TSHZ2: variants seen among roughly 807,000 people sequenced by gnomAD.
TSHZ2 encodes teashirt zinc finger homeobox 2.
TSHZ2 carries 21 observed loss-of-function variants against 74.4 expected under a neutral mutation model. That is an observed-to-expected ratio of 0.28 (90% CI 0.20 to 0.41). The LOEUF is 0.41. TSHZ2 is among the 10% of genes least tolerant of loss of function. TSHZ2 has a pLI of 1.00. For synonymous variants in TSHZ2, 540 were observed against 515.3 expected (o/e 1.05, Z -0.65); for missense variants, 1,244 against 1,293.5 (o/e 0.96, Z 0.59).
intron 2 of TSHZ2, among the ~76,000 whole-genome samples, chr20:53,397,000 TA>T (rs1342838273): frequency 6.6e-6 from 1 of 152,164 alleles, no homozygotes; most frequent in Admixed American, 6.5e-5. Flanking sequence ...ACTTAAATGT[TA>T]GACCTAAAAC....
In TSHZ2 at chr20:53,063,382, C is replaced by T. The variant is rs773133084; in HGVS notation, c.40+90049C>T. Reference sequence around the variant, plus strand: ...ACTTTGCCTATATATTACATATGCACATTTATATAGATATTATGCATTTAA... The same window carrying T: ...ACTTTGCCTATATATTACATATGCATATTTATATAGATATTATGCATTTAA... On this transcript the variant is annotated intron_variant, in intron 1 of 2. Coordinates refer to ENST00000371497, the MANE Select transcript of TSHZ2 (RefSeq NM_173485.6). 6.6e-5 allele frequency among the ~76,000 whole-genome samples: 10 copies of T among 152,182 alleles called. No individual in the cohort carries two copies. The East Asian group carries it at 1.9e-3, about 29-fold the overall frequency.
At chr20:53,452,101 T>C (rs2067468231) in intron 2 of TSHZ2, among the ~76,000 whole-genome samples, 1 of 152,202 alleles carries the variant, frequency 6.6e-6, no homozygotes, top group Admixed American at 6.5e-5. Context: ...TAACCCCAGA[T>C]GACTAATGAA....
chr20:53,117,037 G>T (rs1986689080), intron 1 of TSHZ2, among the ~76,000 whole-genome samples: 1 of 152,092 alleles, frequency 6.6e-6, no homozygotes, highest in Non-Finnish European at 1.5e-5. Flanking sequence ...GGAAAAGGGA[G>T]AGAAAGAGAG....
chr20:53,001,205 C>CAT (rs1555813534), intron 1 of TSHZ2, among the ~76,000 whole-genome samples: 1 of 94,192 alleles, frequency 1.1e-5, no homozygotes, highest in African/African-American at 4.0e-5. Flanking sequence ...CGTTCATGTG[C>CAT]GTGTGTGTGT....
At chr20:53,015,017 T>C (rs1490420301) in intron 1 of TSHZ2, among the ~76,000 whole-genome samples, 10 of 152,192 alleles carry the variant, frequency 6.6e-5, no homozygotes, top group Admixed American at 5.9e-4. Flanking sequence ...AATAGCGCCA[T>C]TCCCTTGTTG....
At chr20:53,185,303 C>A in intron 1 of TSHZ2, 1 of 1,047,950 alleles carries the variant, frequency 9.5e-7, no homozygotes, top group Non-Finnish European at 1.2e-6. Flanking sequence ...CTAGAACACA[C>A]CCGACATGTA....
chr20:53,193,958 C>T (rs1014896147), intron 1 of TSHZ2, among the ~76,000 whole-genome samples: 1 of 152,210 alleles, frequency 6.6e-6, no homozygotes, highest in Admixed American at 6.5e-5. Context: ...CCCTCCTCCT[C>T]AGTGCTCAGA....
chr20:53,071,528 A>G (rs986732616), intron 1 of TSHZ2, among the ~76,000 whole-genome samples: 2 of 152,190 alleles, frequency 1.3e-5, no homozygotes, highest in African/African-American at 4.8e-5. Context: ...TTTCCTGTTC[A>G]TGGGTCTGAT....
chr20:53,041,535 C>T (rs1486209122), intron 1 of TSHZ2, among the ~76,000 whole-genome samples: 1 of 152,066 alleles, frequency 6.6e-6, no homozygotes, highest in Non-Finnish European at 1.5e-5. Flanking sequence ...CCAGGACCAA[C>T]GACATAAAGG....
At chr20:53,146,054 A>G (rs1987532159) in intron 1 of TSHZ2, among the ~76,000 whole-genome samples, 1 of 152,156 alleles carries the variant, frequency 6.6e-6, no homozygotes, top group African/African-American at 2.4e-5. Context: ...TGGTCTAGGC[A>G]AGAGCATGGT....
chr20:53,166,438 C>G (rs754655521), intron 1 of TSHZ2, among the ~76,000 whole-genome samples: 15 of 151,868 alleles, frequency 9.9e-5, no homozygotes, highest in Non-Finnish European at 1.8e-4. Context: ...GGTAACACAG[C>G]AAGAGCCTGT....
intron 1 of TSHZ2, among the ~76,000 whole-genome samples, chr20:53,208,423 G>C (rs950010449): frequency 2.6e-5 from 4 of 152,072 alleles, no homozygotes; most frequent in African/African-American, 9.7e-5. Context: ...TTTAATCCTG[G>C]ATCAGTTCTT....
At chr20:53,328,305 G>A (rs553768330) in intron 2 of TSHZ2, among the ~76,000 whole-genome samples, 75 of 152,346 alleles carry the variant, frequency 4.9e-4, no homozygotes, top group African/African-American at 1.7e-3. Context: ...TGGAAATTGA[G>A]AAGGTCGTGG....
intron 1 of TSHZ2, among the ~76,000 whole-genome samples, chr20:52,999,846 T>C (rs1194765188): frequency 6.6e-6 from 1 of 152,182 alleles, no homozygotes; most frequent in Non-Finnish European, 1.5e-5. Context: ...ACCCCAACCA[T>C]GTGAAATAAT....
chr20:53,308,967 A>T (rs377103645), intron 2 of TSHZ2, among the ~76,000 whole-genome samples: 20 of 152,332 alleles, frequency 1.3e-4, no homozygotes, highest in African/African-American at 4.8e-4. Context: ...CTGCGGTTTT[A>T]ACAATGACAG....
chr20:53,149,392 G>A (rs552872412), intron 1 of TSHZ2, among the ~76,000 whole-genome samples: 1 of 152,222 alleles, frequency 6.6e-6, no homozygotes, highest in South Asian at 2.1e-4. Flanking sequence ...AAAGCTGTGT[G>A]TAATGTGATT....
At position 53,336,453 on chromosome 20, in the gene TSHZ2, G is replaced by A. The variant is rs146433908; in HGVS notation, c.*8+79882G>A. On this transcript the variant is annotated intron_variant, in intron 2 of 2. Transcript: ENST00000371497. Reference sequence around the variant, plus strand: ...TGTCATTATTTAGGACCCTTTCCATGAATAAAACAAAAAGAAGAATGCCCT... The same window carrying A: ...TGTCATTATTTAGGACCCTTTCCATAAATAAAACAAAAAGAAGAATGCCCT... Among the ~76,000 whole-genome samples the A allele has an allele frequency of 7.9e-3, 1,202 of 152,262 alleles. 18 individuals carry two copies. Among genetic ancestry groups the A allele is most frequent in the African/African-American group, 0.028 (1,157 of 41,548 alleles).
chr20:53,163,447 TTTTATTTTA>T, intron 1 of TSHZ2, among the ~76,000 whole-genome samples: 1 of 146,484 alleles, frequency 6.8e-6, no homozygotes, highest in African/African-American at 2.7e-5. Flanking sequence ...TTTTATTTTA[TTTTATTTTA>T]TTTTTTTTTA....
chr20:53,246,053 T>C (rs1282954171), intron 1 of TSHZ2, among the ~76,000 whole-genome samples: 2 of 150,682 alleles, frequency 1.3e-5, no homozygotes, highest in Non-Finnish European at 3.0e-5. Flanking sequence ...TTTTTTTTTT[T>C]GTTTGAGACA....
Sources: allele counts gnomAD v4.1 joint callset (sites outside exome capture counted in the v4.1 genomes callset), GRCh38; gene constraint gnomAD v4.1.1; transcripts MANE v1.5; gene names NCBI Gene and HGNC (gene_info 2026-07-23, HGNC 2026-07-21).